Variants in NCOA6 observed in about 807,000 individuals in gnomAD.
NCOA6 encodes the protein nuclear receptor coactivator 6.
A neutral mutation model predicts 171.4 loss-of-function variants in NCOA6; 49 were observed. That is an observed-to-expected ratio of 0.29 (90% CI 0.23 to 0.36). NCOA6 has a LOEUF of 0.36. Among genes scored for constraint, NCOA6 ranks in the 10% least tolerant of loss-of-function variants. The probability of loss-of-function intolerance (pLI) is 1.00; values close to 1 mark genes in which losing one functional copy is unlikely to be tolerated. For missense variants in NCOA6, 2,248 were observed against 2,554.5 expected (o/e 0.88, Z 2.59); for synonymous variants, 910 against 927.5 (o/e 0.98, Z 0.34).
chr20:34,768,662 T>C (rs1032577083), intron 4 of NCOA6, 76 bp from the exon 5 acceptor site: 2 of 1,516,354 alleles, frequency 1.3e-6, no homozygotes, highest in Admixed American at 1.9e-5. Flanking sequence ...GCTATATAAG[T>C]GCTTTAGTTT....
In NCOA6 at chr20:34,750,457, T is replaced by A; in HGVS notation, c.1738A>T (p.Met580Leu). The part of the protein sequence containing the change: ...MQVSHGPPNM[M>L]QPSLMGIHGN... ...TGAATTCCCATGAGGCTGGGCTGCA[T>A]CATATTTGGCGGCCCGTGGGACACC... The change falls in exon 9 of 15, where the codon ATG (methionine) becomes TTG (leucine). Residue 580 changes from methionine (M) to leucine (L), a missense_variant. By Grantham distance (15) the Met-to-Leu change is conservative. Coordinates refer to ENST00000359003, the MANE Select transcript of NCOA6 (RefSeq NM_014071.5). The A allele has an allele frequency of 6.2e-7, 1 of 1,613,828 alleles. No individual in the cohort carries two copies. Among genetic ancestry groups the A allele is most frequent in the Non-Finnish European group, 8.5e-7 (1 of 1,179,936 alleles).
At chr20:34,730,543 G>A (rs1990486959) in intron 13 of NCOA6, among the ~76,000 whole-genome samples, 1 of 152,128 alleles carries the variant, frequency 6.6e-6, no homozygotes, top group South Asian at 2.1e-4. Context: ...CAAATAGCTG[G>A]TGCATGCTTG....
intron 1 of NCOA6, among the ~76,000 whole-genome samples, chr20:34,793,564 A>C (rs969815189): frequency 1.3e-5 from 2 of 152,192 alleles, no homozygotes; most frequent in African/African-American, 4.8e-5. Context: ...TTGAGGTTAC[A>C]GTGAGCTATG....
Position 34,737,101 on chromosome 20 carries a change from T to C in NCOA6, c.5894-343A>G, listed in dbSNP as rs531382336. Among the ~76,000 whole-genome samples the C allele has an allele frequency of 1.4e-4, 21 of 152,240 alleles. No homozygotes were observed. In the East Asian group the frequency reaches 3.9e-3, roughly 28 times the overall value. On this transcript the variant is annotated intron_variant, in intron 11 of 14. Coordinates refer to ENST00000359003, the MANE Select transcript of NCOA6 (RefSeq NM_014071.5). ...GAAAAAGCCCCAAAGCATATCTTAG[T>C]AGGCAACCCAAACCATAGAGGTACA...
Position 34,794,706 on chromosome 20 carries a change from T to C in NCOA6, c.-163-2143A>G, listed in dbSNP as rs115872685. On this transcript the variant is annotated intron_variant, in intron 1 of 14. Transcript: ENST00000359003. ...GAAAGAAATATAAGACCAATAAAAA[T>C]GGTTATCTTACAAGGTGAATTTAAA... is the stretch of plus-strand genomic sequence containing the variant. Among the ~76,000 whole-genome samples, 1,115 of 152,104 alleles carry C rather than the reference T, an allele frequency of 7.3e-3. 13 individuals carry two copies. The highest frequency in any genetic ancestry group is 0.024 in the African/African-American group (1,013 of 41,496).
chr20:34,761,986 A>G (rs1441532895), intron 5 of NCOA6, among the ~76,000 whole-genome samples: 1 of 152,196 alleles, frequency 6.6e-6, no homozygotes, highest in Non-Finnish European at 1.5e-5. Flanking sequence ...TCCATTATAT[A>G]AAAAGTATTT....
intron 13 of NCOA6, among the ~76,000 whole-genome samples, chr20:34,731,873 T>C (rs2075791406): frequency 6.6e-6 from 1 of 152,112 alleles, no homozygotes; most frequent in African/African-American, 2.4e-5. Flanking sequence ...ATACAAAAAT[T>C]AGCTAGGTGT....
At chr20:34,805,146 C>A (rs2078404264) in intron 1 of NCOA6, among the ~76,000 whole-genome samples, 1 of 151,380 alleles carries the variant, frequency 6.6e-6, no homozygotes, top group Non-Finnish European at 1.5e-5. Flanking sequence ...TCAAGCAATT[C>A]TTGTGCCTCA....
rs2076097660 is a variant in NCOA6 at position 34,740,423 on chromosome 20, G to A, written c.5833C>T (p.Leu1945Phe). 2.5e-6 allele frequency: 4 copies of A among 1,614,210 alleles called. No individual in the cohort carries two copies. The South Asian group carries it at 3.3e-5, about 13-fold the overall frequency. ...SNHGGIASES[L>F]AGGLVEEKVG... ...TTCTCCTCCACTAGGCCACCCGCAA[G>A]TGACTCAGATGCTATGCCACCATGA... The change falls in exon 11 of 15, where the codon CTT (leucine) becomes TTT (phenylalanine). Residue 1945 changes from leucine (L) to phenylalanine (F), a missense_variant. Coordinates refer to ENST00000359003, the MANE Select transcript of NCOA6 (RefSeq NM_014071.5).
At chr20:34,736,526 G>T (rs1055531936) in intron 12 of NCOA6, among the ~76,000 whole-genome samples, 164 bp downstream of exon 12, 1 of 152,182 alleles carries the variant, frequency 6.6e-6, no homozygotes, top group African/African-American at 2.4e-5. Context: ...ATCTCAAGTA[G>T]AACTGCACAA....
chr20:34,718,768 A>G (rs1988925591), intron 14 of NCOA6, among the ~76,000 whole-genome samples: 1 of 152,222 alleles, frequency 6.6e-6, no homozygotes, highest in Non-Finnish European at 1.5e-5. Context: ...AGCCTCCCAG[A>G]ACGTTAGGAT....
chr20:34,754,570 A>C (rs1353792094), intron 8 of NCOA6, 152 bp downstream of exon 8: 1 of 918,190 alleles, frequency 1.1e-6, no homozygotes, highest in Non-Finnish European at 1.6e-6. Flanking sequence ...ATATATTGAC[A>C]AAAGTTACTG....
intron 4 of NCOA6, among the ~76,000 whole-genome samples, chr20:34,775,660 G>A (rs1476860117): frequency 7.9e-6 from 1 of 126,842 alleles, no homozygotes; most frequent in African/African-American, 3.1e-5. Context: ...ACTCCATCCT[G>A]GGACTCTGTC....
chr20:34,750,221 C>T lies in NCOA6; in HGVS notation c.1974G>A (p.Gln658=). The T allele has an allele frequency of 6.2e-7, 1 of 1,610,870 alleles. No individual in the cohort carries two copies. Among genetic ancestry groups the T allele is most frequent in the Non-Finnish European group, 8.5e-7 (1 of 1,178,262 alleles). Residue 658 remains glutamine, a synonymous_variant, in exon 9 of 15, where the codon CAG becomes CAA. Transcript: ENST00000359003. Reference sequence around the variant, plus strand: ...TCGGGGGGTTCACCATCATCTGGCCCTGTGGCATAAGCTGGGCCCTTGAAA... The same window carrying T: ...TCGGGGGGTTCACCATCATCTGGCCTTGTGGCATAAGCTGGGCCCTTGAAA... ...MILSRAQLMP[Q]GQMMVNPPSQ...
intron 1 of NCOA6, among the ~76,000 whole-genome samples, chr20:34,803,824 C>A (rs1208762646): frequency 6.6e-6 from 1 of 151,280 alleles, no homozygotes; most frequent in African/African-American, 2.4e-5. Flanking sequence ...ATCATGAAAC[C>A]CCGTCTCTAC....
chr20:34,786,728 A>T (rs1473841612), intron 2 of NCOA6, among the ~76,000 whole-genome samples: 1 of 152,178 alleles, frequency 6.6e-6, no homozygotes, highest in African/African-American at 2.4e-5. Flanking sequence ...ACTAAATAGG[A>T]TTCCCTATTT....
At chr20:34,746,698 G>T in intron 10 of NCOA6, 109 bp downstream of exon 10, 2 of 1,243,212 alleles carry the variant, frequency 1.6e-6, no homozygotes, top group South Asian at 2.2e-5. Context: ...CACTGAAGTA[G>T]ACTAGTTAGC....
intron 1 of NCOA6, among the ~76,000 whole-genome samples, chr20:34,794,793 A>G (rs2078010459): frequency 6.6e-6 from 1 of 152,192 alleles, no homozygotes; most frequent in East Asian, 1.9e-4. Flanking sequence ...TTACAAGAAC[A>G]CAGGAGCCAG....
Position 34,750,379 on chromosome 20 carries a change from G to A in NCOA6, c.1816C>T (p.Leu606Phe). 6.2e-7 allele frequency: 1 copy of A among 1,614,090 alleles called. No individual in the cohort carries two copies. Among genetic ancestry groups the A allele is most frequent in the Non-Finnish European group, 8.5e-7 (1 of 1,180,010 alleles). ...TGGGGCTGGCCTTGCATGTTGCTGA[G>A]GTTCACTTGAGGAACCCCAGAAGTA... is the stretch of plus-strand genomic sequence containing the variant. ...AGTSGVPQVN[L>F]SNMQGQPQQG... is the part of the protein sequence containing the mutation. The change falls in exon 9 of 15, where the codon CTC becomes TTC. Residue 606 changes from leucine to phenylalanine, a missense_variant. Physicochemically the swap from Leu to Phe is conservative, Grantham distance 22. Coordinates refer to ENST00000359003, the MANE Select transcript of NCOA6 (RefSeq NM_014071.5).
Sources: allele counts gnomAD v4.1 joint callset (sites outside exome capture counted in the v4.1 genomes callset), GRCh38; gene constraint gnomAD v4.1.1; transcripts MANE v1.5; gene names NCBI Gene and HGNC (gene_info 2026-07-23, HGNC 2026-07-21).